Variants in TNNI3K observed in about 807,000 individuals in gnomAD.
TNNI3K encodes the protein serine/threonine-protein kinase TNNI3K.
TNNI3K carries 140 observed loss-of-function variants against 114.5 expected under a neutral mutation model. That is an observed-to-expected ratio of 1.22 (90% CI 1.07 to 1.41). TNNI3K has a LOEUF of 1.41. Ranked by LOEUF, TNNI3K falls within the 40% of genes most tolerant of loss-of-function variation. TNNI3K has a pLI of 0.00. For synonymous variants in TNNI3K, 347 were observed against 347.5 expected (o/e 1.00, Z 0.02); for missense variants, 1,125 against 1,007.6 (o/e 1.12, Z -1.58).
intron 23 of TNNI3K, among the ~76,000 whole-genome samples, chr1:74,498,210 T>C (rs1257717050): frequency 1.3e-5 from 2 of 152,162 alleles, no homozygotes; most frequent in East Asian, 1.9e-4. Context: ...TATCCTACCA[T>C]CAACCTATCA....
intron 20 of TNNI3K, among the ~76,000 whole-genome samples, chr1:74,453,164 G>A (rs548536763): frequency 6.6e-6 from 1 of 152,150 alleles, no homozygotes; most frequent in South Asian, 2.1e-4. Flanking sequence ...TTAGTTCATG[G>A]ACCCCAGAAA....
intron 23 of TNNI3K, among the ~76,000 whole-genome samples, chr1:74,504,418 C>CA (rs1669786263): frequency 6.6e-6 from 1 of 152,118 alleles, no homozygotes; most frequent in African/African-American, 2.4e-5. Context: ...TCACGCCGAA[C>CA]AAAGGTGTGC....
intron 23 of TNNI3K, among the ~76,000 whole-genome samples, chr1:74,534,956 TG>T (rs1296559022): frequency 1.8e-4 from 28 of 152,300 alleles, no homozygotes; most frequent in African/African-American, 6.5e-4. Flanking sequence ...TCAAATGAAA[TG>T]TATTTAGACA....
intron 5 of TNNI3K, among the ~76,000 whole-genome samples, chr1:74,298,371 C>T (rs1658117050): frequency 6.6e-6 from 1 of 152,196 alleles, no homozygotes; most frequent in South Asian, 2.1e-4. Context: ...CTCTTGGTTA[C>T]TTATATGAAT....
At chr1:74,355,713 T>C (rs932509820) in intron 11 of TNNI3K, among the ~76,000 whole-genome samples, 12 of 152,104 alleles carry the variant, frequency 7.9e-5, no homozygotes, top group Non-Finnish European at 1.5e-4. Flanking sequence ...GTAGAGCTGT[T>C]GTAAGCATGC....
intron 23 of TNNI3K, among the ~76,000 whole-genome samples, chr1:74,504,530 A>C (rs1669791701): frequency 6.6e-6 from 1 of 152,334 alleles, no homozygotes; most frequent in African/African-American, 2.4e-5. Context: ...AATGTAAAAG[A>C]AAGAACATCA....
At chr1:74,479,555 C>T (rs1413107179) in intron 21 of TNNI3K, among the ~76,000 whole-genome samples, 1 of 152,082 alleles carries the variant, frequency 6.6e-6, no homozygotes, top group East Asian at 1.9e-4. Flanking sequence ...AATAGCAGAG[C>T]CAGGATTCAA....
chr1:74,427,304 CTT>C (rs11463713), intron 17 of TNNI3K, among the ~76,000 whole-genome samples: 1 of 147,142 alleles, frequency 6.8e-6, no homozygotes, highest in Non-Finnish European at 1.5e-5. Context: ...AAGTTGGAAA[CTT>C]TTTTTTTTTT....
At chr1:74,287,383 A>G (rs953630138) in intron 5 of TNNI3K, among the ~76,000 whole-genome samples, 48 of 152,190 alleles carry the variant, frequency 3.2e-4, no homozygotes, top group African/African-American at 1.1e-3. Context: ...AACCCCAAAG[A>G]TACAGAGATA....
chr1:74,431,070 T>C (rs987007804), intron 17 of TNNI3K, among the ~76,000 whole-genome samples: 2 of 152,170 alleles, frequency 1.3e-5, no homozygotes, highest in African/African-American at 2.4e-5. Flanking sequence ...CTAGGTATTA[T>C]GTGTATTAAT....
At chr1:74,485,431 CA>C (rs1363874129) in intron 21 of TNNI3K, among the ~76,000 whole-genome samples, 1 of 152,180 alleles carries the variant, frequency 6.6e-6, no homozygotes, top group Non-Finnish European at 1.5e-5. Flanking sequence ...GTAGAATTTA[CA>C]CACAGACTCC....
At chr1:74,445,408 C>T (rs1208351452) in intron 20 of TNNI3K, among the ~76,000 whole-genome samples, 1 of 111,504 alleles carries the variant, frequency 9.0e-6, no homozygotes, top group Non-Finnish European at 1.7e-5. Flanking sequence ...GTGTGATATT[C>T]CCCTTCCTGT....
chr1:74,398,757 G>T (rs1329641233), intron 17 of TNNI3K, among the ~76,000 whole-genome samples: 1 of 152,108 alleles, frequency 6.6e-6, no homozygotes, highest in African/African-American at 2.4e-5. Context: ...AGGAATTATG[G>T]AAGGTATACA....
chr1:74,450,376 G>C (rs1349615361), intron 20 of TNNI3K, among the ~76,000 whole-genome samples: 1 of 151,894 alleles, frequency 6.6e-6, no homozygotes, highest in Non-Finnish European at 1.5e-5. Context: ...ACATTCAAAA[G>C]CTAGCAGAAG....
chr1:74,305,355 G>A (rs997387723), intron 5 of TNNI3K, among the ~76,000 whole-genome samples: 2 of 152,110 alleles, frequency 1.3e-5, no homozygotes, highest in Non-Finnish European at 2.9e-5. Context: ...ATGCTTTCAG[G>A]ATCAATACCC....
intron 5 of TNNI3K, among the ~76,000 whole-genome samples, chr1:74,285,493 A>C (rs565533169): frequency 6.7e-6 from 1 of 150,292 alleles, no homozygotes; most frequent in Non-Finnish European, 1.5e-5. Context: ...GGATCCATCT[A>C]TCCTGAAGTT....
In TNNI3K at chr1:74,342,747, T is replaced by C. The variant is rs1194440395; in HGVS notation, c.683-95T>C. 4.1e-6 allele frequency: 6 copies of C among 1,464,256 alleles called. No individual in the cohort carries two copies. The African/African-American group carries it at 7.0e-5, about 17-fold the overall frequency. The allele number at this position is 1,464,256 out of a possible 1,614,324, so 90.7% of individuals were successfully genotyped here. A position where few individuals can be genotyped will look rare whatever the true frequency, so the allele number is the denominator to read the frequency against. The stretch of plus-strand genomic sequence containing the variant: ...TTAACTGGCAATTTCCAGGAATCAC[T>C]CAGGCACTTAGAAATGTCCATGATA... On this transcript the variant is annotated intron_variant, in intron 7 of 24. Coordinates refer to ENST00000326637, the MANE Select transcript of TNNI3K (RefSeq NM_015978.3).
intron 5 of TNNI3K, among the ~76,000 whole-genome samples, chr1:74,272,774 C>T (rs1000888091): frequency 2.0e-5 from 3 of 151,854 alleles, no homozygotes; most frequent in Non-Finnish European, 4.4e-5. Context: ...AAATCCTCAT[C>T]GAATAGTTTT....
At chr1:74,449,589 G>A (rs929421741) in intron 20 of TNNI3K, among the ~76,000 whole-genome samples, 1 of 151,826 alleles carries the variant, frequency 6.6e-6, no homozygotes, top group African/African-American at 2.4e-5. Flanking sequence ...AACAAAAAAA[G>A]GCAGGGGTTG....
Sources: gnomAD v4.1 joint callset for allele counts (sites outside exome capture counted in the v4.1 genomes callset) on GRCh38, gnomAD v4.1.1 for gene constraint, MANE v1.5 for transcripts, NCBI Gene and HGNC (gene_info 2026-07-23, HGNC 2026-07-21) for gene names.